SRSF5: variants seen among roughly 807,000 people sequenced by gnomAD.
SRSF5 encodes the protein serine/arginine-rich splicing factor 5.
A neutral mutation model predicts 34.0 loss-of-function variants in SRSF5; 5 were observed. The ratio of observed to expected loss-of-function variants is 0.15; its 90% CI spans 0.08 to 0.31. The LOEUF is 0.31. Among genes scored for constraint, SRSF5 ranks in the 10% least tolerant of loss-of-function variants. The pLI, the probability that SRSF5 is intolerant of heterozygous loss-of-function variation, is 1.00. For missense variants in SRSF5, 223 were observed against 351.4 expected, an observed-to-expected ratio of 0.63 and a Z score of 2.92; for synonymous variants, 164 against 117.7, an observed-to-expected ratio of 1.39 and a Z score of -2.55.
At chr14:69,767,960 G>A (rs748388512) in intron 1 of SRSF5, 178 bp from the exon 2 acceptor site, 58 of 620,406 alleles carry the variant, frequency 9.3e-5, no homozygotes, top group Admixed American at 3.3e-4. Context: ...CGTGTTGGGA[G>A]GGAGCTGGGT....
At position 69,768,866 on chromosome 14, in the gene SRSF5, T is replaced by C. The variant is rs1882862004; in HGVS notation, c.266T>C (p.Phe89Ser). 1.9e-6 allele frequency: 3 copies of C among 1,614,170 alleles called. No homozygotes were observed. The highest frequency in any genetic ancestry group is 2.5e-6 in the Non-Finnish European group (3 of 1,180,028). Residue 89 changes from phenylalanine to serine, a missense_variant, in exon 4 of 8, where the codon TTT (phenylalanine) becomes TCT (serine). Around this residue, in one of 4 missense-constraint regions of SRSF5, gnomAD observed 44 missense variants for 44.3 expected, o/e 0.99. Coordinates refer to ENST00000557154, the MANE Select transcript of SRSF5 (RefSeq NM_001320214.2). Reference sequence around the variant, plus strand: ...GGTAGAGGACGATACTCTGACCGTTTTAGTAGTCGCAGACCTCGAAATGAT... The same window carrying C: ...GGTAGAGGACGATACTCTGACCGTTCTAGTAGTCGCAGACCTCGAAATGAT... ...GRGRGRYSDRFSSRRPRNDRR... is the reference protein window; with the variant it reads ...GRGRGRYSDRSSSRRPRNDRR...
Position 69,770,737 on chromosome 14 carries a change from T to A in SRSF5, c.440+197T>A, listed in dbSNP as rs1883105656. On this transcript the variant is annotated intron_variant, in intron 6 of 7. Coordinates refer to ENST00000557154, the MANE Select transcript of SRSF5 (RefSeq NM_001320214.2). ...GTTGTCACAACTGGTTGAGAGAGGA[T>A]GCTGTTGGCATGTAGTCAGTAGGGG... 8 of 644,420 alleles carry A rather than the reference T, an allele frequency of 1.2e-5. No homozygotes were observed. The South Asian group carries it at 1.6e-4, about 13-fold the overall frequency. The allele number at this position is 644,420 out of a possible 1,614,324, so 39.9% of individuals were successfully genotyped here. A position where few individuals can be genotyped will look rare whatever the true frequency, so the allele number is the denominator to read the frequency against.
chr14:69,769,732 C>T, intron 5 of SRSF5: 12 of 1,405,872 alleles, frequency 8.5e-6, no homozygotes, highest in Non-Finnish European at 1.0e-5. Context: ...GATCTGATCC[C>T]TAAGTTGAGA....
chr14:69,770,584 AT>A, intron 6 of SRSF5, 44 bp downstream of exon 6: 1 of 1,547,368 alleles, frequency 6.5e-7, no homozygotes, highest in Non-Finnish European at 8.9e-7. Flanking sequence ...TATCCGGAAA[AT>A]TTTACTGTGA....
intron 1 of SRSF5, 148 bp downstream of exon 1, chr14:69,767,403 C>T (rs1176320339): frequency 1.3e-5 from 6 of 455,852 alleles, no homozygotes; most frequent in Non-Finnish European, 2.6e-5. Context: ...GCACGTCTCC[C>T]TTTTGGCATA....
chr14:69,768,332 A>G, intron 2 of SRSF5, 50 bp downstream of exon 2: 1 of 1,606,280 alleles, frequency 6.2e-7, no homozygotes, highest in African/African-American at 1.3e-5. Flanking sequence ...TAGAGTTTTG[A>G]TAAGCAGTTG....
At chr14:69,768,082 A>G in intron 1 of SRSF5, 56 bp from the exon 2 acceptor site, 1 of 1,579,860 alleles carries the variant, frequency 6.3e-7, no homozygotes, top group Non-Finnish European at 8.7e-7. Context: ...TTGTTTAATC[A>G]GGCGTTTCTC....
chr14:69,768,326 GT>G, intron 2 of SRSF5, 44 bp downstream of exon 2: 1 of 1,607,986 alleles, frequency 6.2e-7, no homozygotes, highest in African/African-American at 1.3e-5. Flanking sequence ...AGTAGGTAGA[GT>G]TTTGATAAGC....
chr14:69,770,177 T>C (rs1883030583), intron 5 of SRSF5: 1 of 1,104,904 alleles, frequency 9.1e-7, no homozygotes, highest in African/African-American at 1.6e-5. Context: ...TTTGTTGTTT[T>C]TTTGTTTGTT....
intron 6 of SRSF5, 106 bp downstream of exon 6, chr14:69,770,646 C>G (rs1356548221): frequency 1.9e-6 from 2 of 1,074,924 alleles, no homozygotes; most frequent in African/African-American, 3.2e-5. Context: ...CAGAGATTCT[C>G]CAGAGACAAT....
At chr14:69,768,743 AAGT>A in intron 3 of SRSF5, 52 bp from the exon 4 acceptor site, 1 of 1,611,174 alleles carries the variant, frequency 6.2e-7, no homozygotes, top group Non-Finnish European at 8.5e-7. Context: ...ATATTTTTCT[AAGT>A]AGATTTATGT....
chr14:69,769,798 T>TACGAAA, intron 5 of SRSF5: 1 of 1,349,218 alleles, frequency 7.4e-7, no homozygotes, highest in Non-Finnish European at 9.5e-7. Flanking sequence ...AGTTGAAAGA[T>TACGAAA]ACGAAATTAG....
intron 2 of SRSF5, 110 bp from the exon 3 acceptor site, chr14:69,768,494 C>A (rs1440984452): frequency 1.6e-6 from 2 of 1,247,428 alleles, no homozygotes; most frequent in South Asian, 1.3e-5. Context: ...GACTGTATGG[C>A]AGTGTCGTTA....
intron 1 of SRSF5, 48 bp from the exon 2 acceptor site, chr14:69,768,090 C>T (rs1191638425): frequency 4.4e-6 from 7 of 1,600,504 alleles, no homozygotes; most frequent in Admixed American, 1.7e-5. Context: ...TCAGGCGTTT[C>T]TCTGTGACAG....
intron 5 of SRSF5, chr14:69,769,555 A>G: frequency 6.5e-7 from 1 of 1,535,386 alleles, no homozygotes; most frequent in Non-Finnish European, 8.7e-7. Context: ...CCTGTGGGTT[A>G]TCCTAATCGT....
At position 69,771,477 on chromosome 14, in the gene SRSF5, C is replaced by T. The variant is rs908125897; in HGVS notation, c.*16C>T. The T allele has an allele frequency of 1.9e-6, 3 of 1,583,910 alleles. No individual in the cohort carries two copies. Among genetic ancestry groups the T allele is most frequent in the African/African-American group, 1.4e-5 (1 of 73,090 alleles). On this transcript the variant is annotated 3_prime_UTR_variant, in exon 8 of 8. Coordinates refer to ENST00000557154, the MANE Select transcript of SRSF5 (RefSeq NM_001320214.2). ...TGGCAATTAAACTGTAAATAACTTG[C>T]CCTGGGGGCCTTTTTTTAAAAAACA... is the stretch of plus-strand genomic sequence containing the variant.
At chr14:69,768,102 C>A in intron 1 of SRSF5, 36 bp from the exon 2 acceptor site, 2 of 1,609,146 alleles carry the variant, frequency 1.2e-6, no homozygotes, top group South Asian at 2.2e-5. Context: ...CTGTGACAGT[C>A]ATTGCTATTA....
intron 1 of SRSF5, chr14:69,767,544 C>T (rs1369224822): frequency 6.6e-6 from 3 of 455,974 alleles, no homozygotes; most frequent in East Asian, 7.0e-5. Flanking sequence ...CCGGGATCTC[C>T]CTGACTTTGC....
Position 69,770,675 on chromosome 14 carries a change from C to T in SRSF5, c.440+135C>T, listed in dbSNP as rs950516926. 5 of 797,726 alleles carry T rather than the reference C, an allele frequency of 6.3e-6. No homozygotes were observed. The East Asian group carries it at 8.1e-5, about 13-fold the overall frequency. The allele number at this position is 797,726 out of a possible 1,614,324, so 49.4% of individuals were successfully genotyped here. On this transcript the variant is annotated intron_variant, in intron 6 of 7. Transcript: ENST00000557154. ...AGACAATTTTGCTGCTTCCCTCCTC[C>T]CCCCCACACCTTTGGCAGTGTCTGG...
Sources: gnomAD v4.1 joint callset for allele counts on GRCh38, gnomAD v4.1.1 for gene constraint, gnomAD v4.1.1 regional missense constraint, MANE v1.5 for transcripts, NCBI Gene and HGNC (gene_info 2026-07-23, HGNC 2026-07-21) for gene names.